BMAL1: variants seen among roughly 807,000 people sequenced by gnomAD.
BMAL1 encodes basic helix-loop-helix ARNT like 1.
the BMAL1 span, among the ~76,000 whole-genome samples, chr11:13,345,084 C>T: frequency 6.6e-6 from 1 of 152,168 alleles, no homozygotes; most frequent in African/African-American, 2.4e-5. Context: ...TCCCTATTTT[C>T]CTAAGCTCGC....
the BMAL1 span, among the ~76,000 whole-genome samples, chr11:13,321,231 G>T: frequency 3.3e-5 from 5 of 151,808 alleles, no homozygotes; most frequent in South Asian, 6.2e-4. Context: ...TGTAGCTGGG[G>T]TTTTTTTTGC....
the BMAL1 span, among the ~76,000 whole-genome samples, chr11:13,340,612 C>T: frequency 1.3e-5 from 2 of 152,168 alleles, no homozygotes; most frequent in African/African-American, 4.8e-5. Flanking sequence ...CCCCAGGATA[C>T]CTGTAGCCTT....
chr11:13,349,728 G>C, the BMAL1 span, among the ~76,000 whole-genome samples: 2 of 152,186 alleles, frequency 1.3e-5, no homozygotes, highest in South Asian at 4.1e-4. Flanking sequence ...ATTTTTTCAT[G>C]TGTTTGCAGC....
chr11:13,374,211 G>A, the BMAL1 span: 1 of 1,609,440 alleles, frequency 6.2e-7, no homozygotes, highest in Non-Finnish European at 8.5e-7. Context: ...GGTAAGCTAG[G>A]ATGTATGAAA....
the BMAL1 span, among the ~76,000 whole-genome samples, chr11:13,344,305 A>G: frequency 6.6e-6 from 1 of 152,200 alleles, no homozygotes; most frequent in African/African-American, 2.4e-5. Context: ...GCCTTCCTCA[A>G]GACACTTGAC....
At chr11:13,376,113 C>T in the BMAL1 span, among the ~76,000 whole-genome samples, 1 of 152,236 alleles carries the variant, frequency 6.6e-6, no homozygotes, top group Non-Finnish European at 1.5e-5. Flanking sequence ...CTCATTCAGG[C>T]ACTAGCTCAC....
the BMAL1 span, among the ~76,000 whole-genome samples, chr11:13,336,479 G>A: frequency 6.6e-6 from 1 of 152,156 alleles, no homozygotes; most frequent in African/African-American, 2.4e-5. Flanking sequence ...AGGTAATGAG[G>A]CTTCTCGTGG....
the BMAL1 span, among the ~76,000 whole-genome samples, chr11:13,325,355 A>G: frequency 3.3e-5 from 5 of 152,360 alleles, no homozygotes; most frequent in African/African-American, 1.2e-4. Context: ...GCATACTCCA[A>G]GCCACACTAA....
chr11:13,305,144 T>C, the BMAL1 span, among the ~76,000 whole-genome samples: 3 of 152,022 alleles, frequency 2.0e-5, no homozygotes, highest in Non-Finnish European at 4.4e-5. Flanking sequence ...ACTGGGAGCA[T>C]ATGGGGAAGA....
At chr11:13,342,425 T>C in the BMAL1 span, among the ~76,000 whole-genome samples, 1 of 152,174 alleles carries the variant, frequency 6.6e-6, no homozygotes, top group Admixed American at 6.6e-5. Context: ...TAATCCTGAA[T>C]GGCCTTGCAG....
chr11:13,374,429 CTTG>C, the BMAL1 span, among the ~76,000 whole-genome samples: 1 of 152,138 alleles, frequency 6.6e-6, no homozygotes, highest in South Asian at 2.1e-4. Context: ...AAAGACATCT[CTTG>C]TTCAGAGGGT....
the BMAL1 span, among the ~76,000 whole-genome samples, chr11:13,282,877 A>T: frequency 3.3e-5 from 5 of 152,042 alleles, no homozygotes; most frequent in African/African-American, 1.2e-4. Context: ...GGAGGAGGAG[A>T]TGGGATGGGG....
At chr11:13,358,256 CAGTG>C in the BMAL1 span, among the ~76,000 whole-genome samples, 1 of 152,216 alleles carries the variant, frequency 6.6e-6, no homozygotes, top group Non-Finnish European at 1.5e-5. Flanking sequence ...ACTGACCTGG[CAGTG>C]AGACCATTTT....
the BMAL1 span, chr11:13,277,690 T>G: frequency 1.4e-4 from 12 of 88,882 alleles, no homozygotes; most frequent in African/African-American, 4.9e-4. Flanking sequence ...GCGCTGCGGC[T>G]CCTCCATTGG....
the BMAL1 span, among the ~76,000 whole-genome samples, chr11:13,284,769 A>G: frequency 6.6e-6 from 1 of 152,016 alleles, no homozygotes; most frequent in African/African-American, 2.4e-5. Context: ...ACTCCTTTCA[A>G]TCTTCCCAGA....
At chr11:13,290,924 A>C in the BMAL1 span, among the ~76,000 whole-genome samples, 5 of 152,190 alleles carry the variant, frequency 3.3e-5, no homozygotes, top group East Asian at 9.6e-4. Flanking sequence ...GGGTTGCCAC[A>C]CAGAGGCTCA....
the BMAL1 span, among the ~76,000 whole-genome samples, chr11:13,313,147 C>T: frequency 3.3e-5 from 5 of 152,346 alleles, no homozygotes; most frequent in Admixed American, 1.3e-4. Flanking sequence ...CTCCCTGCAG[C>T]GAGAACTCCC....
the BMAL1 span, chr11:13,386,655 A>G: frequency 6.2e-7 from 1 of 1,614,220 alleles, no homozygotes; most frequent in Admixed American, 1.7e-5. Flanking sequence ...AAGTAGTCCC[A>G]GTAATGATGA....
At chr11:13,369,022 T>G in the BMAL1 span, among the ~76,000 whole-genome samples, 1 of 152,344 alleles carries the variant, frequency 6.6e-6, no homozygotes, top group Non-Finnish European at 1.5e-5. Flanking sequence ...ACATTTCAAG[T>G]GCTCAGTACC....
Sources: allele counts gnomAD v4.1 joint callset (sites outside exome capture counted in the v4.1 genomes callset), GRCh38; gene constraint gnomAD v4.1.1; transcripts MANE v1.5; gene names NCBI Gene and HGNC (gene_info 2026-07-23, HGNC 2026-07-21).